Variants in ADAMTS18 observed in about 807,000 individuals in gnomAD.
ADAMTS18 encodes the protein ADAM metallopeptidase with thrombospondin type 1 motif 18, also known as A disintegrin and metalloproteinase with thrombospondin motifs 18.
ADAMTS18 carries 157 observed loss-of-function variants against 165.9 expected under a neutral mutation model. The observed-to-expected ratio is 0.95, with a 90% CI of 0.83 to 1.08. The LOEUF (loss-of-function observed/expected upper bound fraction) is 1.08. Ranked by LOEUF, ADAMTS18 falls within the 50% of genes least tolerant of loss-of-function variation. The pLI is 0.00. For missense variants in ADAMTS18, 2,040 were observed against 1,534.0 expected, an observed-to-expected ratio of 1.33 and a Z score of -5.51; for synonymous variants, 782 against 578.2, an observed-to-expected ratio of 1.35 and a Z score of -5.06.
Position 77,396,010 on chromosome 16 carries a change from A to G in ADAMTS18, c.496-28287T>C, listed in dbSNP as rs2057252139. ...CATTTAGTATTCCTAACAGCACCCT[A>G]GGGTAGGGACAAGACCATTAATATT... On this transcript the variant is annotated intron_variant, in intron 3 of 22. Transcript: ENST00000282849. Among the ~76,000 whole-genome samples, 4 of 152,318 alleles carry G rather than the reference A, an allele frequency of 2.6e-5. No individual in the cohort carries two copies. The South Asian group carries it at 8.3e-4, about 32-fold the overall frequency.
intron 22 of ADAMTS18, among the ~76,000 whole-genome samples, chr16:77,287,944 T>C (rs569927012): frequency 1.3e-5 from 2 of 152,302 alleles, no homozygotes; most frequent in South Asian, 4.2e-4. Context: ...AGCTGTATTC[T>C]TTCATCCCTA....
Position 77,283,808 on chromosome 16 carries a change from C to T in ADAMTS18, c.*148G>A. On this transcript the variant is annotated 3_prime_UTR_variant, in exon 23 of 23. Coordinates refer to ENST00000282849, the MANE Select transcript of ADAMTS18 (RefSeq NM_199355.4). ...ATTGAGCTAGAAGCCTACTGGCAAC[C>T]TGTCTGTTCCTCAGAGCAGGCTCCT... is the stretch of plus-strand genomic sequence containing the variant. The T allele has an allele frequency of 1.5e-6, 1 of 654,338 alleles. No homozygotes were observed. The highest frequency in any genetic ancestry group is 2.8e-5 in the East Asian group (1 of 36,086). The allele number at this position is 654,338 out of a possible 1,614,324, so 40.5% of individuals were successfully genotyped here.
chr16:77,325,739 G>T, intron 13 of ADAMTS18, 127 bp downstream of exon 13: 2 of 947,074 alleles, frequency 2.1e-6, no homozygotes, highest in Non-Finnish European at 3.1e-6. Context: ...CACTGAGCCA[G>T]GATGGGTCTG....
chr16:77,361,348 A>G (rs1042491411), intron 7 of ADAMTS18, among the ~76,000 whole-genome samples: 2 of 152,216 alleles, frequency 1.3e-5, no homozygotes, highest in Non-Finnish European at 2.9e-5. Flanking sequence ...AATATAGTAT[A>G]GATATAAAAG....
intron 3 of ADAMTS18, among the ~76,000 whole-genome samples, chr16:77,393,989 T>C (rs1459085680): frequency 1.3e-5 from 2 of 152,226 alleles, no homozygotes; most frequent in African/African-American, 2.4e-5. Flanking sequence ...TGTGGTCTAA[T>C]TGGATTACTG....
At chr16:77,381,997 T>G (rs2057037725) in intron 3 of ADAMTS18, among the ~76,000 whole-genome samples, 1 of 152,140 alleles carries the variant, frequency 6.6e-6, no homozygotes, top group South Asian at 2.1e-4. Flanking sequence ...CACCCTGAAA[T>G]GCTCTTATTC....
chr16:77,354,275 C>A (rs547747785), intron 9 of ADAMTS18, among the ~76,000 whole-genome samples: 4 of 152,304 alleles, frequency 2.6e-5, no homozygotes, highest in East Asian at 3.9e-4. Context: ...ATAAACCAGA[C>A]AGACACAGTA....
chr16:77,288,215 A>G (rs766499008), intron 22 of ADAMTS18, among the ~76,000 whole-genome samples: 1 of 152,104 alleles, frequency 6.6e-6, no homozygotes, highest in African/African-American at 2.4e-5. Flanking sequence ...GGGCAATTTC[A>G]TAATTGGTCA....
chr16:77,302,696 T>C (rs1215772529), intron 16 of ADAMTS18, among the ~76,000 whole-genome samples: 2 of 152,244 alleles, frequency 1.3e-5, no homozygotes, highest in East Asian at 3.8e-4. Context: ...TTCTTGCCTT[T>C]TGAGCTTCTA....
chr16:77,404,905 A>C (rs1490193491), intron 3 of ADAMTS18, among the ~76,000 whole-genome samples: 1 of 152,220 alleles, frequency 6.6e-6, no homozygotes, highest in Non-Finnish European at 1.5e-5. Flanking sequence ...ATGAATCCTT[A>C]ACACAGTCTG....
At chr16:77,289,189 C>T in intron 22 of ADAMTS18, 75 bp downstream of exon 22, 1 of 1,553,834 alleles carries the variant, frequency 6.4e-7, no homozygotes, top group Non-Finnish European at 8.9e-7. Flanking sequence ...TCACAGGCTG[C>T]ACTACTAACA....
chr16:77,312,907 C>T (rs943389299), intron 16 of ADAMTS18, among the ~76,000 whole-genome samples: 1 of 152,142 alleles, frequency 6.6e-6, no homozygotes, highest in African/African-American at 2.4e-5. Flanking sequence ...GGATCTTGAA[C>T]TAGAAATACC....
intron 16 of ADAMTS18, 108 bp downstream of exon 16, chr16:77,319,741 C>G (rs1401980625): frequency 1.3e-6 from 2 of 1,575,556 alleles, no homozygotes; most frequent in African/African-American, 2.7e-5. Flanking sequence ...CCATGCCCGG[C>G]CAGGAAACAC....
At chr16:77,415,487 T>C (rs1022387022) in intron 3 of ADAMTS18, among the ~76,000 whole-genome samples, 2 of 152,284 alleles carry the variant, frequency 1.3e-5, no homozygotes, top group African/African-American at 2.4e-5. Context: ...TTATCTTCCA[T>C]CCTCTTTGCT....
intron 10 of ADAMTS18, among the ~76,000 whole-genome samples, chr16:77,345,970 T>C (rs976833335): frequency 1.1e-4 from 16 of 152,344 alleles, no homozygotes; most frequent in Non-Finnish European, 1.9e-4. Flanking sequence ...CACTGTATCC[T>C]ACCAGTTTAG....
intron 12 of ADAMTS18, among the ~76,000 whole-genome samples, chr16:77,330,101 C>T (rs1047939662): frequency 3.3e-5 from 5 of 152,126 alleles, no homozygotes; most frequent in African/African-American, 1.2e-4. Context: ...TTTAAAAACA[C>T]ACCTGGTGAT....
At chr16:77,389,294 G>A (rs1192215472) in intron 3 of ADAMTS18, among the ~76,000 whole-genome samples, 1 of 152,152 alleles carries the variant, frequency 6.6e-6, no homozygotes, top group Non-Finnish European at 1.5e-5. Flanking sequence ...GACAGAGTGA[G>A]ACTTTATCTC....
At chr16:77,298,497 A>G (rs904027558) in intron 17 of ADAMTS18, among the ~76,000 whole-genome samples, 2 of 152,170 alleles carry the variant, frequency 1.3e-5, no homozygotes, top group Non-Finnish European at 2.9e-5. Context: ...GGCACTTACG[A>G]AAACCACATC....
Position 77,354,004 on chromosome 16 carries a change from G to A in ADAMTS18, c.1461-118C>T, listed in dbSNP as rs998821389. ...AAATATAGCATGGTTCTAGAAACAGGTATATGTTTAAAGTTCAAATCTATG... is the reference window on the plus strand; with the variant it reads ...AAATATAGCATGGTTCTAGAAACAGATATATGTTTAAAGTTCAAATCTATG... On this transcript the variant is annotated intron_variant, in intron 9 of 22. Coordinates refer to ENST00000282849, the MANE Select transcript of ADAMTS18 (RefSeq NM_199355.4). The A allele has an allele frequency of 3.3e-5, 42 of 1,257,792 alleles. No individual in the cohort carries two copies. The Admixed American group carries it at 5.1e-4, about 15-fold the overall frequency. 77.9% of individuals were successfully genotyped at this position (1,257,792 alleles called of 1,614,324 possible).
Sources: allele counts gnomAD v4.1 joint callset (sites outside exome capture counted in the v4.1 genomes callset), GRCh38; gene constraint gnomAD v4.1.1; transcripts MANE v1.5; gene names NCBI Gene and HGNC (gene_info 2026-07-23, HGNC 2026-07-21).